PGP: variants seen among roughly 807,000 people sequenced by gnomAD.
The protein encoded by PGP is aspartate-based ubiquitous Mg(2+)-dependent phosphatase.
In PGP, 9 loss-of-function variants were observed where a neutral mutation model predicts 19.3. That is an observed-to-expected ratio of 0.47 (90% CI 0.28 to 0.81). The LOEUF is 0.81. PGP is among the 40% of genes least tolerant of loss of function. The probability of loss-of-function intolerance (pLI) is 0.11; values close to 1 mark genes in which losing one functional copy is unlikely to be tolerated. For missense variants in PGP, 403 were observed against 479.9 expected (o/e 0.84, Z 1.50); for synonymous variants, 308 against 226.8 (o/e 1.36, Z -3.22).
In PGP at chr16:2,212,038, T is replaced by C. The variant is rs2093376635; in HGVS notation, c.*1690A>G. On this transcript the variant is annotated 3_prime_UTR_variant, in exon 2 of 2. Transcript: ENST00000333503. ...ATCTGTGCTCTGGCGCCCACAGTGCTGCAGCCCCTCATGGGCCAGAGACAG... is the reference window on the plus strand; with the variant it reads ...ATCTGTGCTCTGGCGCCCACAGTGCCGCAGCCCCTCATGGGCCAGAGACAG... The C allele has an allele frequency of 3.0e-6, 3 of 985,518 alleles. No homozygotes were observed. Among genetic ancestry groups the C allele is most frequent in the Non-Finnish European group, 2.4e-6 (2 of 829,968 alleles). 61.0% of individuals were successfully genotyped at this position (985,518 alleles called of 1,614,324 possible).
In PGP at chr16:2,213,957, T is replaced by C. The variant is rs764374794; in HGVS notation, c.737A>G (p.Gln246Arg). The change falls in exon 2 of 2, where the codon CAG becomes CGG. Residue 246 changes from glutamine (Q) to arginine (R), a missense_variant. By Grantham distance (43) the Gln-to-Arg change is conservative (BLOSUM62 1). Transcript: ENST00000333503. ...GCGCTCGGGGTTGATGCCGTATTCC[T>C]GGGACACGCAGTCGAAAATGAAGCG... ...PSRFIFDCVSQEYGINPERTV... is the reference protein window; with the variant it reads ...PSRFIFDCVSREYGINPERTV... The C allele has an allele frequency of 6.2e-7, 1 of 1,611,674 alleles. No individual in the cohort carries two copies. The highest frequency in any genetic ancestry group is 8.5e-7 in the Non-Finnish European group (1 of 1,178,624).
rs542992157 is a variant in PGP, at chr16:2,212,694, G to T, written c.*1034C>A. On this transcript the variant is annotated 3_prime_UTR_variant, in exon 2 of 2. Coordinates refer to ENST00000333503, the MANE Select transcript of PGP (RefSeq NM_001042371.3). ...GACATAACTCTCGTCCCCTCCCAGA[G>T]CCCTGGATGACTGACAGGCATTCCT... 3.2e-4 allele frequency: 316 copies of T among 985,516 alleles called. 6 individuals are homozygous for T. The South Asian group carries it at 0.013, about 41-fold the overall frequency. The allele number at this position is 985,516 out of a possible 1,614,324, so 61.0% of individuals were successfully genotyped here.
Position 2,214,514 on chromosome 16 carries a change from G to C in PGP, c.264C>G (p.Gly88=). The C allele has an allele frequency of 7.0e-7, 1 of 1,431,346 alleles. No individual in the cohort carries two copies. Among genetic ancestry groups the C allele is most frequent in the African/African-American group, 1.5e-5 (1 of 66,614 alleles). The allele number at this position is 1,431,346 out of a possible 1,614,324, so 88.7% of individuals were successfully genotyped here. The change falls in exon 1 of 2, where the codon GGC becomes GGG. Residue 88 remains glycine (G), a synonymous_variant. Transcript: ENST00000333503. The surrounding 1 kb of genome is among the most constrained non-coding windows in gnomAD (Gnocchi z 7.1). ...CCAGGCTGGCGCCGGGCCCCGCGGG[G>C]CCGCCGAAGCCCAGGCGCCGCAGCT... The part of the protein sequence containing the change: ...AEKLRRLGFG[G]PAGPGASLEV...
In PGP at chr16:2,214,766, C is replaced by T; in HGVS notation, c.12G>A (p.Ala4=). ...AGCGGGCGTCGTCGCCACCGGCCTC[C>T]GCCGCCGCCATCGCCGCCCGCCGGC... The part of the protein sequence containing the change: MAA[A]EAGGDDARCV... The change falls in exon 1 of 2, where the codon GCG becomes GCA. Residue 4 remains alanine, a synonymous_variant. Transcript: ENST00000333503. The surrounding 1 kb of genome is among the most constrained non-coding windows in gnomAD (Gnocchi z 7.1). The T allele has an allele frequency of 8.9e-7, 1 of 1,119,728 alleles. No individual in the cohort carries two copies. 69.4% of individuals were successfully genotyped at this position (1,119,728 alleles called of 1,614,324 possible).
Position 2,211,927 on chromosome 16 carries a change from C to T in PGP, c.*1801G>A, listed in dbSNP as rs144974338. On this transcript the variant is annotated 3_prime_UTR_variant, in exon 2 of 2. Transcript: ENST00000333503. The stretch of plus-strand genomic sequence containing the variant: ...CCCCAGTTACCCATCTACTTTGAGT[C>T]CTCCCACCCGTGGTGAGACGGCATC... The T allele has an allele frequency of 9.0e-5, 89 of 985,550 alleles. 1 individual carries two copies. In the East Asian group the frequency reaches 7.8e-3, roughly 87 times the overall value. 61.1% of individuals were successfully genotyped at this position (985,550 alleles called of 1,614,324 possible).
chr16:2,212,395 G>GGT lies in PGP; in HGVS notation c.*1332_*1333insAC, dbSNP rs2093377717. Reference sequence around the variant, plus strand: ...AGGGAAAGGCGCTGGTAGGGAGCCAGCCAGAAGGTGCAGCATCCCGGGATG... The same window carrying GGT: ...AGGGAAAGGCGCTGGTAGGGAGCCAGGTCCAGAAGGTGCAGCATCCCGGGATG... On this transcript the variant is annotated 3_prime_UTR_variant, in exon 2 of 2. Coordinates refer to ENST00000333503, the MANE Select transcript of PGP (RefSeq NM_001042371.3). 2.0e-6 allele frequency: 2 copies of GGT among 985,814 alleles called. No individual in the cohort carries two copies. The highest frequency in any genetic ancestry group is 3.5e-5 in the African/African-American group (2 of 57,262). The allele number at this position is 985,814 out of a possible 1,614,324, so 61.1% of individuals were successfully genotyped here. A position where few individuals can be genotyped will look rare whatever the true frequency, so the allele number is the denominator to read the frequency against.
chr16:2,214,338 G>A lies in PGP; in HGVS notation c.440C>T (p.Pro147Leu). 2 of 1,527,780 alleles carry A rather than the reference G, an allele frequency of 1.3e-6. No homozygotes were observed. The highest frequency in any genetic ancestry group is 1.2e-5 in the South Asian group (1 of 83,530). The allele number at this position is 1,527,780 out of a possible 1,614,324, so 94.6% of individuals were successfully genotyped here. A position where few individuals can be genotyped will look rare whatever the true frequency, so the allele number is the denominator to read the frequency against. The change falls in exon 1 of 2, where the codon CCA becomes CTA. Residue 147 changes from proline to leucine, a missense_variant. Physicochemically the swap from Pro to Leu is moderately conservative, Grantham distance 98 (BLOSUM62 -3). Coordinates refer to ENST00000333503, the MANE Select transcript of PGP (RefSeq NM_001042371.3). The surrounding 1 kb of genome is among the most constrained non-coding windows in gnomAD (Gnocchi z 7.1). ...GTCGCCGGGACCCTCGCCCTGCAGTGGCTCGGGCCCCACGCCCACGCTGGC... is the reference window on the plus strand; with the variant it reads ...GTCGCCGGGACCCTCGCCCTGCAGTAGCTCGGGCCCCACGCCCACGCTGGC... ...GVASVGVGPE[P>L]LQGEGPGDWL... is the part of the protein sequence containing the mutation.
Position 2,213,514 on chromosome 16 carries a change from A to C in PGP, c.*214T>G. ...CAGAACCCAGCCCACAACGCCTTCCAAGCCTAAAAGTGCATCTTCGATTAC... is the reference window on the plus strand; with the variant it reads ...CAGAACCCAGCCCACAACGCCTTCCCAGCCTAAAAGTGCATCTTCGATTAC... On this transcript the variant is annotated 3_prime_UTR_variant, in exon 2 of 2. Coordinates refer to ENST00000333503, the MANE Select transcript of PGP (RefSeq NM_001042371.3). 1 of 658,400 alleles carries C rather than the reference A, an allele frequency of 1.5e-6. No individual in the cohort carries two copies. Among genetic ancestry groups the C allele is most frequent in the Non-Finnish European group, 2.2e-6 (1 of 446,418 alleles). 40.8% of individuals were successfully genotyped at this position (658,400 alleles called of 1,614,324 possible). A position where few individuals can be genotyped will look rare whatever the true frequency, so the allele number is the denominator to read the frequency against.
Position 2,213,578 on chromosome 16 carries a change from T to C in PGP, c.*150A>G. Reference sequence around the variant, plus strand: ...CAAAATCGTCCCCCAAACGTGTACTTACAAGGTTAACAATGAATGCCTTTG... The same window carrying C: ...CAAAATCGTCCCCCAAACGTGTACTCACAAGGTTAACAATGAATGCCTTTG... On this transcript the variant is annotated 3_prime_UTR_variant, in exon 2 of 2. Transcript: ENST00000333503. The C allele has an allele frequency of 2.6e-6, 2 of 780,522 alleles. No homozygotes were observed. The highest frequency in any genetic ancestry group is 2.5e-5 in the South Asian group (1 of 39,690). 48.3% of individuals were successfully genotyped at this position (780,522 alleles called of 1,614,324 possible). A position where few individuals can be genotyped will look rare whatever the true frequency, so the allele number is the denominator to read the frequency against.
Position 2,213,331 on chromosome 16 carries a change from C to T in PGP, c.*397G>A. ...AGCCTCTCCCAACAGTCAGAATAAT[C>T]AGTCCCTCTGCCCCCTGAGGGGCTG... On this transcript the variant is annotated 3_prime_UTR_variant, in exon 2 of 2. Transcript: ENST00000333503. The T allele has an allele frequency of 3.0e-6, 3 of 990,760 alleles. No individual in the cohort carries two copies. Among genetic ancestry groups the T allele is most frequent in the Non-Finnish European group, 1.2e-6 (1 of 833,370 alleles). 61.4% of individuals were successfully genotyped at this position (990,760 alleles called of 1,614,324 possible). A position where few individuals can be genotyped will look rare whatever the true frequency, so the allele number is the denominator to read the frequency against.
chr16:2,214,765 C>T lies in PGP; in HGVS notation c.13G>A (p.Glu5Lys), dbSNP rs112351847. 109,469 of 1,122,826 alleles carry T rather than the reference C, an allele frequency of 0.097. 5,721 individuals carry two copies. Among genetic ancestry groups the T allele is most frequent in the Non-Finnish European group, 0.11 (98,496 of 916,304 alleles). The allele number at this position is 1,122,826 out of a possible 1,614,324, so 69.6% of individuals were successfully genotyped here. ...CAGCGGGCGTCGTCGCCACCGGCCTCCGCCGCCGCCATCGCCGCCCGCCGG... is the reference window on the plus strand; with the variant it reads ...CAGCGGGCGTCGTCGCCACCGGCCTTCGCCGCCGCCATCGCCGCCCGCCGG... MAAA[E>K]AGGDDARCVR... The change falls in exon 1 of 2, where the codon GAG (glutamate) becomes AAG (lysine). Residue 5 changes from glutamate to lysine, a missense_variant. Coordinates refer to ENST00000333503, the MANE Select transcript of PGP (RefSeq NM_001042371.3). This position sits in a 1 kb window ranked among gnomAD's most constrained non-coding sequence, Gnocchi z 7.1.
Position 2,214,744 on chromosome 16 carries a change from G to C in PGP, c.34C>G (p.Arg12Gly). ...AAAEAGGDDA[R>G]CVRLSAERAQ... is the part of the protein sequence containing the mutation. ...CGCTCGGCGCTCAGCCGCACGCAGCGGGCGTCGTCGCCACCGGCCTCCGCC... is the reference window on the plus strand; with the variant it reads ...CGCTCGGCGCTCAGCCGCACGCAGCCGGCGTCGTCGCCACCGGCCTCCGCC... The change falls in exon 1 of 2, where the codon CGC (arginine) becomes GGC (glycine). Residue 12 changes from arginine (R) to glycine (G), a missense_variant. Transcript: ENST00000333503. This position sits in a 1 kb window ranked among gnomAD's most constrained non-coding sequence, Gnocchi z 7.1. 8.3e-7 allele frequency: 1 copy of C among 1,199,144 alleles called. No individual in the cohort carries two copies. The highest frequency in any genetic ancestry group is 1.0e-6 in the Non-Finnish European group (1 of 965,662). 74.3% of individuals were successfully genotyped at this position (1,199,144 alleles called of 1,614,324 possible). A position where few individuals can be genotyped will look rare whatever the true frequency, so the allele number is the denominator to read the frequency against.
chr16:2,212,581 G>A lies in PGP; in HGVS notation c.*1147C>T. ...CAGGGCAAGGCAGGTGACCTCCTGG[G>A]CCACCAGTCTCTAACCCCTACCCCA... On this transcript the variant is annotated 3_prime_UTR_variant, in exon 2 of 2. Transcript: ENST00000333503. The A allele has an allele frequency of 2.0e-5, 20 of 985,460 alleles. No individual in the cohort carries two copies. Among genetic ancestry groups the A allele is most frequent in the Non-Finnish European group, 2.4e-5 (20 of 829,922 alleles). 61.0% of individuals were successfully genotyped at this position (985,460 alleles called of 1,614,324 possible). A position where few individuals can be genotyped will look rare whatever the true frequency, so the allele number is the denominator to read the frequency against.
In PGP at chr16:2,214,141, C is replaced by G. The variant is rs976618487; in HGVS notation, c.637G>C (p.Ala213Pro). The G allele has an allele frequency of 1.9e-6, 3 of 1,582,618 alleles. No homozygotes were observed. The highest frequency in any genetic ancestry group is 1.7e-6 in the Non-Finnish European group (2 of 1,173,512). The change falls in exon 1 of 2, where the codon GCG (alanine) becomes CCG (proline). Residue 213 changes from alanine (A) to proline (P), a missense_variant. Coordinates refer to ENST00000333503, the MANE Select transcript of PGP (RefSeq NM_001042371.3). The surrounding 1 kb of genome is among the most constrained non-coding windows in gnomAD (Gnocchi z 7.1). ...RLPLENGRFI[A>P]GTGCLVRAVE... ...TCCCGCCCCAGGGCGCACGGACCCG[C>G]GATGAAGCGGCCGTTCTCAAGCGGA...
In PGP at chr16:2,214,766, CGCCGCCGCCATCGCCGCCCGCCG is replaced by C. The variant is rs2093383715; in HGVS notation, c.-12_11del. The C allele has an allele frequency of 1.8e-6, 2 of 1,119,728 alleles. No homozygotes were observed. Among genetic ancestry groups the C allele is most frequent in the Non-Finnish European group, 2.2e-6 (2 of 913,706 alleles). The allele number at this position is 1,119,728 out of a possible 1,614,324, so 69.4% of individuals were successfully genotyped here. A position where few individuals can be genotyped will look rare whatever the true frequency, so the allele number is the denominator to read the frequency against. On this transcript the variant is annotated start_lost and 5_prime_UTR_variant, in exon 1 of 2. Coordinates refer to ENST00000333503, the MANE Select transcript of PGP (RefSeq NM_001042371.3). This position sits in a 1 kb window ranked among gnomAD's most constrained non-coding sequence, Gnocchi z 7.1. ...AGCGGGCGTCGTCGCCACCGGCCTCCGCCGCCGCCATCGCCGCCCGCCGGCCGCCGCCGCCCGCCGGCCGCTCC... is the reference window on the plus strand; with the variant it reads ...AGCGGGCGTCGTCGCCACCGGCCTCCGCCGCCGCCGCCCGCCGGCCGCTCC...
chr16:2,213,860 C>A lies in PGP; in HGVS notation c.834G>T (p.Leu278=). Reference sequence around the variant, plus strand: ...CTAGAGTGGAGACTCCGGTGAGGGTCAGGATGGTCTTCAGGCCACAGGTGG... The same window carrying A: ...CTAGAGTGGAGACTCCGGTGAGGGTAAGGATGGTCTTCAGGCCACAGGTGG... ...LGATCGLKTI[L]TLTGVSTLGD... is the part of the protein sequence containing the mutation. The change falls in exon 2 of 2, where the codon CTG becomes CTT. Residue 278 remains leucine, a synonymous_variant. Transcript: ENST00000333503. 1 of 1,613,112 alleles carries A rather than the reference C, an allele frequency of 6.2e-7. No homozygotes were observed. Among genetic ancestry groups the A allele is most frequent in the Admixed American group, 1.7e-5 (1 of 60,018 alleles).
At position 2,213,691 on chromosome 16, in the gene PGP, C is replaced by T. The variant is rs757087671; in HGVS notation, c.*37G>A. On this transcript the variant is annotated 3_prime_UTR_variant, in exon 2 of 2. Coordinates refer to ENST00000333503, the MANE Select transcript of PGP (RefSeq NM_001042371.3). Reference sequence around the variant, plus strand: ...AATTTGGGTAACTGGTTTTCAATTTCTTTTTTTTTATTCTGCAGATTAAAG... The same window carrying T: ...AATTTGGGTAACTGGTTTTCAATTTTTTTTTTTTTATTCTGCAGATTAAAG... The T allele has an allele frequency of 1.3e-5, 19 of 1,465,864 alleles. No homozygotes were observed. The South Asian group carries it at 2.0e-4, about 16-fold the overall frequency. 90.8% of individuals were successfully genotyped at this position (1,465,864 alleles called of 1,614,324 possible).
At position 2,213,144 on chromosome 16, in the gene PGP, A is replaced by G; in HGVS notation, c.*584T>C. 3 of 985,476 alleles carry G rather than the reference A, an allele frequency of 3.0e-6. No individual in the cohort carries two copies. Among genetic ancestry groups the G allele is most frequent in the Non-Finnish European group, 3.6e-6 (3 of 829,928 alleles). The allele number at this position is 985,476 out of a possible 1,614,324, so 61.0% of individuals were successfully genotyped here. A position where few individuals can be genotyped will look rare whatever the true frequency, so the allele number is the denominator to read the frequency against. ...ACATCAGAGTGGTTTTCAAGGAAGT[A>G]AGGGAGGTGGGAGAGTGGTGAGGGC... On this transcript the variant is annotated 3_prime_UTR_variant, in exon 2 of 2. Coordinates refer to ENST00000333503, the MANE Select transcript of PGP (RefSeq NM_001042371.3).
Position 2,211,721 on chromosome 16 carries a change from C to T in PGP, c.*2007G>A, listed in dbSNP as rs1206947937. The T allele has an allele frequency of 1.0e-6, 1 of 985,362 alleles. No individual in the cohort carries two copies. The highest frequency in any genetic ancestry group is 1.2e-6 in the Non-Finnish European group (1 of 829,974). 61.0% of individuals were successfully genotyped at this position (985,362 alleles called of 1,614,324 possible). A position where few individuals can be genotyped will look rare whatever the true frequency, so the allele number is the denominator to read the frequency against. On this transcript the variant is annotated 3_prime_UTR_variant, in exon 2 of 2. Transcript: ENST00000333503. ...GTGTGAGCCACTGCGCCCGGGCCAGCATTACTTCTGAGCTCTGCTCCCTGC... is the reference window on the plus strand; with the variant it reads ...GTGTGAGCCACTGCGCCCGGGCCAGTATTACTTCTGAGCTCTGCTCCCTGC...
Sources: gnomAD v4.1 joint callset for allele counts on GRCh38, gnomAD v4.1.1 for gene constraint, Gnocchi (gnomAD v3.1) non-coding constraint, MANE v1.5 for transcripts, NCBI Gene and HGNC (gene_info 2026-07-23, HGNC 2026-07-21) for gene names.